Variants in TMEM132D observed in about 807,000 individuals in gnomAD.
TMEM132D encodes the protein mature OL transmembrane protein.
A neutral mutation model predicts 62.3 loss-of-function variants in TMEM132D; 21 were observed. The observed-to-expected ratio is 0.34, with a 90% CI of 0.24 to 0.49. The LOEUF (loss-of-function observed/expected upper bound fraction) is 0.49, where lower values mean the gene tolerates loss of function less well. Among genes scored for constraint, TMEM132D ranks in the 20% least tolerant of loss-of-function variants. The pLI is 0.99. For missense variants in TMEM132D, 1,346 were observed against 1,402.8 expected (o/e 0.96, Z 0.65); for synonymous variants, 621 against 575.6 (o/e 1.08, Z -1.13).
At chr12:129,834,811 G>T (rs1181902593) in intron 1 of TMEM132D, among the ~76,000 whole-genome samples, 3 of 152,188 alleles carry the variant, frequency 2.0e-5, no homozygotes, top group African/African-American at 7.2e-5. Context: ...ATTCCCCACA[G>T]GCTGCACATT....
At chr12:129,184,076 G>C (rs1037292923) in intron 5 of TMEM132D, among the ~76,000 whole-genome samples, 15 of 152,144 alleles carry the variant, frequency 9.9e-5, no homozygotes, top group Non-Finnish European at 1.9e-4. Flanking sequence ...AGGACAGTGT[G>C]TTCCTTAGGA....
At chr12:129,349,219 T>A (rs1041094937) in intron 3 of TMEM132D, among the ~76,000 whole-genome samples, 1 of 152,218 alleles carries the variant, frequency 6.6e-6, no homozygotes, top group Non-Finnish European at 1.5e-5. Context: ...TGTTGCTAGA[T>A]GCTCCGGATA....
intron 3 of TMEM132D, among the ~76,000 whole-genome samples, chr12:129,399,136 T>C (rs113876065): frequency 0.012 from 1,643 of 133,150 alleles, 27 homozygotes; most frequent in African/African-American, 0.051. Context: ...ATAACCAACC[T>C]ACTTCTGCAG....
intron 1 of TMEM132D, among the ~76,000 whole-genome samples, chr12:129,901,698 C>T (rs1422658371): frequency 6.6e-6 from 1 of 152,182 alleles, no homozygotes; most frequent in East Asian, 1.9e-4. Flanking sequence ...CAACACTGCT[C>T]AGTCTAATAA....
intron 1 of TMEM132D, among the ~76,000 whole-genome samples, chr12:129,848,502 T>G (rs897753954): frequency 3.9e-5 from 6 of 152,174 alleles, no homozygotes; most frequent in Non-Finnish European, 7.3e-5. Context: ...AGACACGTTT[T>G]CCAATGGGGA....
chr12:129,453,058 A>T (rs1207360537), intron 3 of TMEM132D, among the ~76,000 whole-genome samples: 1 of 152,170 alleles, frequency 6.6e-6, no homozygotes, highest in Non-Finnish European at 1.5e-5. Context: ...GCAGCATTAG[A>T]TTCTCATAGG....
In TMEM132D at chr12:129,760,323, CTTTTTTT is replaced by C. The variant is rs71082753; in HGVS notation, c.80-59632_80-59626del. Among the ~76,000 whole-genome samples, 35 of 115,502 alleles carry C rather than the reference CTTTTTTT, an allele frequency of 3.0e-4. 1 individual carries two copies. The highest frequency in any genetic ancestry group is 1.2e-3 in the African/African-American group (34 of 27,666). 75.8% of individuals were successfully genotyped at this position (115,502 alleles called of 152,430 possible). ...AGACAGAAATGATGTAAGCCACTTTCTTTTTTTTTTTTTTTTTTTTTTTTTTGAGATG... is the reference window on the plus strand; with the variant it reads ...AGACAGAAATGATGTAAGCCACTTTCTTTTTTTTTTTTTTTTTTTGAGATG... On this transcript the variant is annotated intron_variant, in intron 1 of 8. Coordinates refer to ENST00000422113, the MANE Select transcript of TMEM132D (RefSeq NM_133448.3).
chr12:129,289,525 CA>C (rs1223937305), intron 4 of TMEM132D, among the ~76,000 whole-genome samples: 2 of 93,740 alleles, frequency 2.1e-5, no homozygotes, highest in Admixed American at 1.4e-4. Flanking sequence ...GCCTGGGTGA[CA>C]AGAGTGAAAT....
intron 2 of TMEM132D, among the ~76,000 whole-genome samples, chr12:129,534,918 T>G (rs1404855727): frequency 6.8e-6 from 1 of 146,812 alleles, no homozygotes; most frequent in African/African-American, 2.7e-5. Flanking sequence ...ATACAAATAT[T>G]CCCCATCCTC....
intron 4 of TMEM132D, among the ~76,000 whole-genome samples, chr12:129,214,272 T>A (rs1879141401): frequency 6.7e-6 from 1 of 149,770 alleles, no homozygotes; most frequent in South Asian, 2.1e-4. Flanking sequence ...GTGCTTTTTA[T>A]TTTGATTTTT....
At chr12:129,858,838 G>GTCCGGGGGAA (rs1873776848) in intron 1 of TMEM132D, among the ~76,000 whole-genome samples, 1 of 59,974 alleles carries the variant, frequency 1.7e-5, no homozygotes, top group Non-Finnish European at 3.4e-5. Flanking sequence ...GTCCGGGGGA[G>GTCCGGGGGAA]CGGGATGGGT....
At chr12:129,742,905 G>A (rs1462550809) in intron 1 of TMEM132D, among the ~76,000 whole-genome samples, 3 of 152,204 alleles carry the variant, frequency 2.0e-5, no homozygotes, top group Non-Finnish European at 4.4e-5. Context: ...TCTAGAATAA[G>A]AACCCACTGG....
At chr12:129,253,197 TAATAA>T (rs1184152798) in intron 4 of TMEM132D, among the ~76,000 whole-genome samples, 1 of 144,976 alleles carries the variant, frequency 6.9e-6, no homozygotes, top group Non-Finnish European at 1.5e-5. Context: ...AAAATAATAA[TAATAA>T]AATAAAATAA....
Position 129,311,058 on chromosome 12 carries a change from C to T in TMEM132D, c.1299+26576G>A, listed in dbSNP as rs1191802697. ...CTAAAAATACAAAAAATTAGCCGGG[C>T]GTGGTAGCGGGCGCCTGTAGTCCCA... is the stretch of plus-strand genomic sequence containing the variant. On this transcript the variant is annotated intron_variant, in intron 4 of 8. Coordinates refer to ENST00000422113, the MANE Select transcript of TMEM132D (RefSeq NM_133448.3). Among the ~76,000 whole-genome samples the T allele has an allele frequency of 4.9e-5, 5 of 101,118 alleles. 1 individual carries two copies. Among genetic ancestry groups the T allele is most frequent in the Non-Finnish European group, 7.4e-5 (4 of 54,176 alleles). The allele number at this position is 101,118 out of a possible 152,430, so 66.3% of individuals were successfully genotyped here. A position where few individuals can be genotyped will look rare whatever the true frequency, so the allele number is the denominator to read the frequency against.
chr12:129,757,716 C>T (rs1181279933), intron 1 of TMEM132D, among the ~76,000 whole-genome samples: 1 of 152,120 alleles, frequency 6.6e-6, no homozygotes, highest in Non-Finnish European at 1.5e-5. Context: ...TAAAACTACT[C>T]GATACAGCCA....
intron 2 of TMEM132D, among the ~76,000 whole-genome samples, chr12:129,676,539 G>A (rs264502): frequency 0.53 from 80,574 of 151,952 alleles, 22,262 homozygotes; most frequent in South Asian, 0.63. Context: ...TACAGAGGAG[G>A]GGGAAGGGAG....
intron 4 of TMEM132D, among the ~76,000 whole-genome samples, chr12:129,244,896 C>T (rs1376245988): frequency 6.6e-6 from 1 of 152,194 alleles, no homozygotes. Context: ...CTGCCTCTGC[C>T]TCCCAAAGTG....
At chr12:129,812,484 A>G (rs891008266) in intron 1 of TMEM132D, among the ~76,000 whole-genome samples, 1 of 151,634 alleles carries the variant, frequency 6.6e-6, no homozygotes, top group East Asian at 1.9e-4. Context: ...TCTTTGGCAA[A>G]CTTCTCTAAG....
intron 2 of TMEM132D, among the ~76,000 whole-genome samples, chr12:129,580,161 G>A (rs1877802826): frequency 6.6e-6 from 1 of 152,124 alleles, no homozygotes; most frequent in Non-Finnish European, 1.5e-5. Flanking sequence ...GTTAGTCAAG[G>A]TTGTCCCAGG....
Sources: allele counts gnomAD v4.1 joint callset (sites outside exome capture counted in the v4.1 genomes callset), GRCh38; gene constraint gnomAD v4.1.1; transcripts MANE v1.5; gene names NCBI Gene and HGNC (gene_info 2026-07-23, HGNC 2026-07-21).